MGAT4C: variants seen among roughly 807,000 people sequenced by gnomAD.
The protein encoded by MGAT4C is alpha-1,3-mannosyl-glycoprotein 4-beta-N-acetylglucosaminyltransferase C.
Under a neutral mutation model 40.1 loss-of-function variants are expected in MGAT4C, and 19 were observed. The ratio of observed to expected loss-of-function variants is 0.47; its 90% confidence interval spans 0.33 to 0.70. The LOEUF is 0.70. Ranked by LOEUF, MGAT4C falls within the 30% of genes least tolerant of loss-of-function variation. The pLI, the probability that MGAT4C is intolerant of heterozygous loss-of-function variation, is 0.02. For missense variants in MGAT4C, 491 were observed against 563.2 expected (o/e 0.87, Z 1.30); for synonymous variants, 181 against 187.1 (o/e 0.97, Z 0.27).
rs140821008 is a variant in MGAT4C, at chr12:86,568,796, T to G, written c.-228-133531A>C. 5.8e-3 allele frequency among the ~76,000 whole-genome samples: 879 copies of G among 152,082 alleles called. 8 individuals carry two copies. Among genetic ancestry groups the G allele is most frequent in the African/African-American group, 0.02 (824 of 41,498 alleles). ...TTACGTATATACAGACAACTGATTTTTAACAAAGGCACCAAGAACATTCAT... is the reference window on the plus strand; with the variant it reads ...TTACGTATATACAGACAACTGATTTGTAACAAAGGCACCAAGAACATTCAT... On this transcript the variant is annotated intron_variant, in intron 2 of 7. Transcript: ENST00000548651.
intron 2 of MGAT4C, among the ~76,000 whole-genome samples, chr12:86,525,265 T>G (rs1958861640): frequency 1.3e-5 from 2 of 152,256 alleles, no homozygotes; most frequent in South Asian, 4.1e-4. Context: ...CCTCCCACCA[T>G]CCTCTCTCTC....
chr12:85,997,539 G>T, intron 2 of MGAT4C, among the ~76,000 whole-genome samples: 1 of 152,170 alleles, frequency 6.6e-6, no homozygotes, highest in East Asian at 1.9e-4. Flanking sequence ...GCTAGTTACT[G>T]CCTAGATACA....
chr12:86,616,815 A>G (rs1447751228), intron 2 of MGAT4C, among the ~76,000 whole-genome samples: 1 of 152,020 alleles, frequency 6.6e-6, no homozygotes, highest in Non-Finnish European at 1.5e-5. Flanking sequence ...ATATGTATCC[A>G]CATATCTATC....
chr12:86,512,746 G>C (rs1213231350), intron 2 of MGAT4C, among the ~76,000 whole-genome samples: 2 of 152,084 alleles, frequency 1.3e-5, no homozygotes, highest in Non-Finnish European at 2.9e-5. Context: ...CAGAAGCAGA[G>C]GGTAGAATGG....
At chr12:86,350,982 T>C (rs531692731) in intron 3 of MGAT4C, among the ~76,000 whole-genome samples, 1 of 151,862 alleles carries the variant, frequency 6.6e-6, no homozygotes, top group South Asian at 2.1e-4. Context: ...TATATATCTA[T>C]ATATATAAAC....
chr12:86,548,432 C>A (rs902813097), intron 2 of MGAT4C, among the ~76,000 whole-genome samples: 2 of 152,036 alleles, frequency 1.3e-5, no homozygotes, highest in African/African-American at 2.4e-5. Flanking sequence ...AAAAGTTGTT[C>A]TTTCTCTTTC....
chr12:86,635,065 G>A (rs902803967), intron 2 of MGAT4C, among the ~76,000 whole-genome samples: 2 of 151,990 alleles, frequency 1.3e-5, no homozygotes, highest in Admixed American at 6.6e-5. Flanking sequence ...TAGTATCTTT[G>A]TGCCTCCTAT....
rs1020735672 is a variant in MGAT4C at position 85,976,441 on chromosome 12, T to G, written c.*2848A>C. 6.6e-5 allele frequency: 10 copies of G among 150,748 alleles called. No individual in the cohort carries two copies. Among genetic ancestry groups the G allele is most frequent in the African/African-American group, 2.4e-4 (10 of 41,278 alleles). 9.3% of individuals were successfully genotyped at this position (150,748 alleles called of 1,614,324 possible). On this transcript the variant is annotated 3_prime_UTR_variant, in exon 5 of 5. Transcript: ENST00000611864. ...TACTTTTTTCTTTGATGTCCATAACTGCTGAAAAGGCTCCCCTAAGGAGAA... is the reference window on the plus strand; with the variant it reads ...TACTTTTTTCTTTGATGTCCATAACGGCTGAAAAGGCTCCCCTAAGGAGAA...
chr12:86,519,652 T>G (rs1254638862), intron 2 of MGAT4C, among the ~76,000 whole-genome samples: 1 of 152,166 alleles, frequency 6.6e-6, no homozygotes, highest in Admixed American at 6.5e-5. Context: ...TCTTTGATGA[T>G]TAGTGATGTT....
In MGAT4C at chr12:86,177,178, A is replaced by G. The variant is rs369463457; in HGVS notation, c.-57+79061T>C. Among the ~76,000 whole-genome samples the G allele has an allele frequency of 1.4e-4, 22 of 152,240 alleles. No homozygotes were observed. In the East Asian group the frequency reaches 4.3e-3, roughly 29 times the overall value. ...TTAGCAGAAGATTACAGCTACTGGG[A>G]AATTCTCAGCAACAGAGAAGAGGAT... On this transcript the variant is annotated intron_variant, in intron 1 of 4. Transcript: ENST00000611864.
At position 86,353,032 on chromosome 12, in the gene MGAT4C, A is replaced by T. The variant is rs563192646; in HGVS notation, c.-119-18905T>A. Reference sequence around the variant, plus strand: ...TAAAGTATAATAATAATAAAATAAAAAAATAAATAAATAAATAAATAAAAT... The same window carrying T: ...TAAAGTATAATAATAATAAAATAAATAAATAAATAAATAAATAAATAAAAT... On this transcript the variant is annotated intron_variant, in intron 3 of 7. Coordinates refer to the MGAT4C transcript ENST00000548651. 4.9e-3 allele frequency among the ~76,000 whole-genome samples: 718 copies of T among 147,372 alleles called. 7 individuals are homozygous for T. Among genetic ancestry groups the T allele is most frequent in the South Asian group, 0.013 (60 of 4,754 alleles).
At chr12:86,612,757 A>AG (rs1444147762) in intron 2 of MGAT4C, among the ~76,000 whole-genome samples, 1 of 151,634 alleles carries the variant, frequency 6.6e-6, no homozygotes, top group East Asian at 1.9e-4. Context: ...AAAAAAAAAA[A>AG]AAAAGTAGAT....
chr12:86,653,174 T>C (rs1963742465), intron 2 of MGAT4C, among the ~76,000 whole-genome samples: 1 of 151,974 alleles, frequency 6.6e-6, no homozygotes, highest in Non-Finnish European at 1.5e-5. Flanking sequence ...TATTCATTTG[T>C]ATCATTGAGT....
intron 1 of MGAT4C, among the ~76,000 whole-genome samples, chr12:86,083,921 C>T (rs562902858): frequency 6.6e-6 from 1 of 152,096 alleles, no homozygotes; most frequent in South Asian, 2.1e-4. Flanking sequence ...GAGATGTTTA[C>T]CACAGTCAGT....
chr12:86,691,344 TC>T (rs1055617200), intron 2 of MGAT4C, among the ~76,000 whole-genome samples: 1 of 152,182 alleles, frequency 6.6e-6, no homozygotes, highest in African/African-American at 2.4e-5. Context: ...AAAGTTCTTT[TC>T]CCTTTGAGCT....
At chr12:86,450,305 G>C (rs1957403963) in intron 2 of MGAT4C, among the ~76,000 whole-genome samples, 1 of 151,962 alleles carries the variant, frequency 6.6e-6, no homozygotes, top group Non-Finnish European at 1.5e-5. Context: ...TATCTATTTA[G>C]ATAGATTTGT....
chr12:86,077,729 A>C (rs1181040095), intron 1 of MGAT4C, among the ~76,000 whole-genome samples: 1 of 152,168 alleles, frequency 6.6e-6, no homozygotes, highest in Non-Finnish European at 1.5e-5. Flanking sequence ...GGGCTGTTGT[A>C]GTTTCCCATT....
At chr12:86,492,716 C>G (rs1255233994) in intron 2 of MGAT4C, among the ~76,000 whole-genome samples, 1 of 152,136 alleles carries the variant, frequency 6.6e-6, no homozygotes, top group Non-Finnish European at 1.5e-5. Flanking sequence ...CTAGGCATTA[C>G]CATTCAGGAC....
intron 1 of MGAT4C, among the ~76,000 whole-genome samples, chr12:86,208,129 C>T (rs1398418030): frequency 6.6e-6 from 1 of 152,176 alleles, no homozygotes; most frequent in Non-Finnish European, 1.5e-5. Context: ...ATGGCCTAAT[C>T]ACAGAGGTCT....
Sources: gnomAD v4.1 joint callset for allele counts (sites outside exome capture counted in the v4.1 genomes callset) on GRCh38, gnomAD v4.1.1 for gene constraint, MANE v1.5 for transcripts, NCBI Gene and HGNC (gene_info 2026-07-23, HGNC 2026-07-21) for gene names.